SMIM41: variants seen among roughly 807,000 people sequenced by gnomAD.
SMIM41 encodes the protein small integral membrane protein 41.
At chr12:52,080,485 C>T (rs1939802264) in intron 1 of SMIM41, among the ~76,000 whole-genome samples, 1 of 152,210 alleles carries the variant, frequency 6.6e-6, no homozygotes, top group South Asian at 2.1e-4. Context: ...TGCTGTGTAA[C>T]TGTGGGGTGG....
intron 1 of SMIM41, among the ~76,000 whole-genome samples, chr12:52,082,827 G>A (rs1331539119): frequency 6.6e-6 from 1 of 152,200 alleles, no homozygotes; most frequent in Non-Finnish European, 1.5e-5. Context: ...AGCTCCCTCT[G>A]CAGCAAAGAC....
chr12:52,098,737 G>A (rs937615731), intron 2 of SMIM41, among the ~76,000 whole-genome samples: 1 of 137,232 alleles, frequency 7.3e-6, no homozygotes, highest in Admixed American at 6.9e-5. Context: ...AATATCACGG[G>A]GGGGGGGGTG....
At chr12:52,102,915 T>C (rs1940248173) in intron 2 of SMIM41, among the ~76,000 whole-genome samples, 1 of 152,202 alleles carries the variant, frequency 6.6e-6, no homozygotes, top group Admixed American at 6.5e-5. Context: ...CCCATATTCA[T>C]AGCAGCATTA....
chr12:52,089,554 A>G (rs1939956135), intron 2 of SMIM41, among the ~76,000 whole-genome samples: 1 of 152,160 alleles, frequency 6.6e-6, no homozygotes, highest in South Asian at 2.1e-4. Context: ...TGATTGTGCC[A>G]TGCACTCCAA....
intron 2 of SMIM41, chr12:52,092,169 A>G (rs1940017287): frequency 6.6e-6 from 1 of 152,188 alleles, no homozygotes; most frequent in Non-Finnish European, 1.5e-5. Context: ...GGTGAATGGA[A>G]CCCTTTGCTG....
At chr12:52,100,463 T>C (rs928607022) in intron 2 of SMIM41, among the ~76,000 whole-genome samples, 3 of 151,742 alleles carry the variant, frequency 2.0e-5, no homozygotes, top group African/African-American at 4.8e-5. Context: ...TTCTTTCTTT[T>C]TTTTTTTTTT....
intron 1 of SMIM41, among the ~76,000 whole-genome samples, chr12:52,082,652 A>C (rs73095512): frequency 0.022 from 3,367 of 150,820 alleles, 55 homozygotes; most frequent in Non-Finnish European, 0.036. Context: ...AGGCACCCGA[A>C]CTCCTAGCCA....
In SMIM41 at chr12:52,105,233, A is replaced by T. The variant is rs143823615; in HGVS notation, c.*196-2146A>T. 7.4e-3 allele frequency among the ~76,000 whole-genome samples: 1,135 copies of T among 152,354 alleles called. 5 individuals are homozygous for T. Among genetic ancestry groups the T allele is most frequent in the African/African-American group, 0.026 (1,092 of 41,590 alleles). On this transcript the variant is annotated intron_variant, in intron 2 of 2. Coordinates refer to ENST00000546390, the MANE Select transcript of SMIM41 (RefSeq NM_001369216.1). ...GTGCCACAATCACTGTGTCAAGTAT[A>T]GAAAGGGCAGCTGAGATCACATCAA... is the stretch of plus-strand genomic sequence containing the variant.
chr12:52,099,008 T>C (rs1350745115), intron 2 of SMIM41, among the ~76,000 whole-genome samples: 2 of 151,958 alleles, frequency 1.3e-5, no homozygotes, highest in Non-Finnish European at 1.5e-5. Flanking sequence ...AGTAATATCA[T>C]CTTCTCTCTC....
At chr12:52,102,750 G>T (rs1940243484) in intron 2 of SMIM41, among the ~76,000 whole-genome samples, 1 of 152,204 alleles carries the variant, frequency 6.6e-6, no homozygotes, top group African/African-American at 2.4e-5. Context: ...GCTCGAATAT[G>T]ATTGGAGGGA....
At chr12:52,090,579 AAC>A (rs1393668827) in intron 2 of SMIM41, among the ~76,000 whole-genome samples, 1 of 152,178 alleles carries the variant, frequency 6.6e-6, no homozygotes, top group African/African-American at 2.4e-5. Context: ...TACCGATGAG[AAC>A]ACAGAGAGGC....
At chr12:52,101,774 G>A (rs1215131971) in intron 2 of SMIM41, among the ~76,000 whole-genome samples, 2 of 151,794 alleles carry the variant, frequency 1.3e-5, no homozygotes, top group Non-Finnish European at 2.9e-5. Context: ...GTGTAGTGGT[G>A]CAGTCTTGGC....
rs1212547001 is a variant in SMIM41, at chr12:52,101,288, G to C, written c.*196-6091G>C. On this transcript the variant is annotated intron_variant, in intron 2 of 2. Transcript: ENST00000546390. ...AAAACACAAAAAATTAGCCGGGTGT[G>C]GTGACGTGTGCCTGTAGTCTCAGCT... Among the ~76,000 whole-genome samples the C allele has an allele frequency of 3.3e-5, 5 of 152,234 alleles. No individual in the cohort carries two copies. The East Asian group carries it at 9.7e-4, about 29-fold the overall frequency.
intron 2 of SMIM41, among the ~76,000 whole-genome samples, chr12:52,087,241 G>T (rs528185392): frequency 1.9e-4 from 29 of 152,170 alleles, no homozygotes; most frequent in African/African-American, 7.0e-4. Flanking sequence ...TCCTTAACTC[G>T]ATTCTTCAGT....
At chr12:52,103,251 C>A (rs184526017) in intron 2 of SMIM41, among the ~76,000 whole-genome samples, 1 of 149,892 alleles carries the variant, frequency 6.7e-6, no homozygotes, top group Non-Finnish European at 1.5e-5. Flanking sequence ...CGCTTGAACC[C>A]GGGAGGTGGA....
rs1198977063 is a variant in SMIM41, at chr12:52,103,230, G to C, written c.*196-4149G>C. Among the ~76,000 whole-genome samples, 3 of 152,164 alleles carry C rather than the reference G, an allele frequency of 2.0e-5. No homozygotes were observed. In the East Asian group the frequency reaches 5.8e-4, roughly 29 times the overall value. On this transcript the variant is annotated intron_variant, in intron 2 of 2. Coordinates refer to ENST00000546390, the MANE Select transcript of SMIM41 (RefSeq NM_001369216.1). ...TAGTCCCAGCTACTCGGGAGGCTGA[G>C]GCACAAGAATCGCTTGAACCCGGGA...
intron 2 of SMIM41, among the ~76,000 whole-genome samples, chr12:52,097,502 G>C (rs1940121705): frequency 6.6e-6 from 1 of 152,004 alleles, no homozygotes; most frequent in Non-Finnish European, 1.5e-5. Flanking sequence ...ATCAACCCCG[G>C]TCCCTCCCTG....
At chr12:52,088,214 T>TCCA (rs1939922552) in intron 2 of SMIM41, among the ~76,000 whole-genome samples, 1 of 152,102 alleles carries the variant, frequency 6.6e-6, no homozygotes, top group Non-Finnish European at 1.5e-5. Context: ...AGAGAGTGAT[T>TCCA]GTGCTGCAAT....
chr12:52,106,796 C>T (rs1015484792), intron 2 of SMIM41, among the ~76,000 whole-genome samples: 15 of 152,224 alleles, frequency 9.9e-5, no homozygotes, highest in African/African-American at 3.4e-4. Context: ...TAGGACCTAA[C>T]TCGCATGTGG....
Sources: gnomAD v4.1 joint callset for allele counts (sites outside exome capture counted in the v4.1 genomes callset) on GRCh38, gnomAD v4.1.1 for gene constraint, MANE v1.5 for transcripts, NCBI Gene and HGNC (gene_info 2026-07-23, HGNC 2026-07-21) for gene names.